Variants in PATJ observed in about 807,000 individuals in gnomAD.
PATJ encodes PATJ crumbs cell polarity complex component.
Under a neutral mutation model 224.9 loss-of-function variants are expected in PATJ, and 190 were observed. The observed-to-expected ratio is 0.84, with a 90% CI of 0.75 to 0.95. The LOEUF (loss-of-function observed/expected upper bound fraction) is 0.95. Among genes scored for constraint, PATJ ranks in the 40% least tolerant of loss-of-function variants. PATJ has a pLI of 0.00. For missense variants in PATJ, 2,121 were observed against 2,270.3 expected, an observed-to-expected ratio of 0.93 and a Z score of 1.34; for synonymous variants, 769 against 820.3, an observed-to-expected ratio of 0.94 and a Z score of 1.07.
In PATJ at chr1:61,822,950, G is replaced by T; in HGVS notation, c.1689G>T (p.Leu563=). Residue 563 remains leucine (L), a synonymous_variant, in exon 15 of 44, where the codon CTG becomes CTT. Coordinates refer to ENST00000642238, the MANE Select transcript of PATJ (RefSeq NM_001350145.3). ...TGCTTTGTGTTTTGCTACAGCTGCT[G>T]CCTATTCACACTCTGAGGCTTGGTG... ...DAELQKYSKL[L]PIHTLRLGVE... 6.2e-7 allele frequency: 1 copy of T among 1,614,070 alleles called. No individual in the cohort carries two copies. Among genetic ancestry groups the T allele is most frequent in the Non-Finnish European group, 8.5e-7 (1 of 1,179,992 alleles).
At chr1:62,156,217 TAAA>T (rs200811806) in intron 43 of PATJ, among the ~76,000 whole-genome samples, 2 of 150,162 alleles carry the variant, frequency 1.3e-5, no homozygotes, top group African/African-American at 4.9e-5. Flanking sequence ...TCTCTAAAAA[TAAA>T]AAAATTTTTT....
intron 18 of PATJ, among the ~76,000 whole-genome samples, chr1:61,860,972 T>C (rs1199471032): frequency 6.6e-6 from 1 of 151,900 alleles, no homozygotes; most frequent in African/African-American, 2.4e-5. Context: ...ACCAGTAAAA[T>C]AGGGCTAATA....
At chr1:61,977,752 C>T (rs936025781) in intron 27 of PATJ, among the ~76,000 whole-genome samples, 1 of 151,644 alleles carries the variant, frequency 6.6e-6, no homozygotes, top group Admixed American at 6.6e-5. Context: ...GTGGTGAACA[C>T]CTGTAGTCCC....
rs1652142761 is a variant in PATJ at position 61,800,008 on chromosome 1, G to C, written c.1403-1615G>C. On this transcript the variant is annotated intron_variant, in intron 11 of 43. Transcript: ENST00000642238. ...CCTATCATCTGTTGATGGACACTTA[G>C]ATTGCTTTCATGGCTTTGCTTTTGC... is the stretch of plus-strand genomic sequence containing the variant. 1.3e-5 allele frequency among the ~76,000 whole-genome samples: 2 copies of C among 152,124 alleles called. 1 individual carries two copies. The highest frequency in any genetic ancestry group is 4.1e-4 in the South Asian group (2 of 4,828).
intron 28 of PATJ, among the ~76,000 whole-genome samples, chr1:62,015,145 C>CA (rs956926283): frequency 2.1e-4 from 32 of 149,974 alleles, no homozygotes; most frequent in African/African-American, 7.1e-4. Flanking sequence ...ACTAAAAATA[C>CA]AAAAAAAAAT....
In PATJ at chr1:61,884,246, C is replaced by T. The variant is rs751944045; in HGVS notation, c.2969C>T (p.Pro990Leu). 7 of 1,601,288 alleles carry T rather than the reference C, an allele frequency of 4.4e-6. No individual in the cohort carries two copies. Among genetic ancestry groups the T allele is most frequent in the South Asian group, 2.3e-5 (2 of 88,592 alleles). ...TGGATTTGCTCTTCAGGCATGATCC[C>T]GAATGATGTCCAAGGTCCTAGCTTG... ...AKTSLDLGMIPNDVQGPSLLI... is the reference protein window; with the variant it reads ...AKTSLDLGMILNDVQGPSLLI... Residue 990 changes from proline to leucine, a missense_variant, in exon 22 of 44, where the codon CCG (proline) becomes CTG (leucine). Transcript: ENST00000642238.
chr1:61,876,462 A>C (rs1667347217), intron 21 of PATJ, among the ~76,000 whole-genome samples: 1 of 152,112 alleles, frequency 6.6e-6, no homozygotes, highest in Non-Finnish European at 1.5e-5. Context: ...GTTTGAGTAA[A>C]TGAATAAATA....
intron 17 of PATJ, among the ~76,000 whole-genome samples, chr1:61,848,165 C>T (rs551976929): frequency 9.9e-5 from 15 of 152,200 alleles, no homozygotes; most frequent in African/African-American, 2.4e-4. Context: ...ATGTATCCAA[C>T]TTTTTCATTT....
intron 27 of PATJ, among the ~76,000 whole-genome samples, chr1:61,956,840 T>C (rs1680508308): frequency 6.6e-6 from 1 of 152,244 alleles, no homozygotes; most frequent in Admixed American, 6.5e-5. Context: ...TTGCAAGTTG[T>C]TTAGTCACGT....
At chr1:62,160,821 C>A in intron 43 of PATJ, 87 bp from the exon 44 acceptor site, 2 of 1,416,408 alleles carry the variant, frequency 1.4e-6, no homozygotes, top group Non-Finnish European at 1.9e-6. Context: ...TTAATATGCA[C>A]ACCAGACAGA....
intron 30 of PATJ, among the ~76,000 whole-genome samples, chr1:62,049,984 C>T (rs1265262493): frequency 1.3e-5 from 2 of 151,884 alleles, no homozygotes; most frequent in Non-Finnish European, 2.9e-5. Flanking sequence ...CGTGTGGTGG[C>T]ATGCACCTGT....
At chr1:62,068,121 C>T (rs974402828) in intron 31 of PATJ, among the ~76,000 whole-genome samples, 5 of 152,196 alleles carry the variant, frequency 3.3e-5, no homozygotes, top group African/African-American at 1.2e-4. Context: ...ACTCAGTTCA[C>T]GTCATTCACC....
rs747232068 is a variant in PATJ, at chr1:61,864,476, A to C, written c.2678A>C (p.His893Pro). ...TCCATGGAGTTGTATCCCTTGTCGC[A>C]CATTCAAGAGGCCACTCCTGTGCCC... Reference protein sequence around the residue: ...SPSMELYPLSHIQEATPVPSV... With the variant: ...SPSMELYPLSPIQEATPVPSV... Residue 893 changes from histidine (H) to proline (P), a missense_variant, in exon 20 of 44, where the codon CAC (histidine) becomes CCC (proline). His to Pro is a moderately conservative substitution (Grantham distance 77). Transcript: ENST00000642238. 7 of 1,614,142 alleles carry C rather than the reference A, an allele frequency of 4.3e-6. No individual in the cohort carries two copies. Among genetic ancestry groups the C allele is most frequent in the Non-Finnish European group, 5.9e-6 (7 of 1,179,998 alleles).
intron 24 of PATJ, among the ~76,000 whole-genome samples, chr1:61,904,904 A>G (rs1357000614): frequency 2.6e-5 from 4 of 152,156 alleles, no homozygotes; most frequent in African/African-American, 9.7e-5. Context: ...CTTGAGGTTC[A>G]TTCAATTTGT....
intron 39 of PATJ, among the ~76,000 whole-genome samples, chr1:62,125,058 T>C (rs915602580): frequency 3.3e-5 from 5 of 151,618 alleles, no homozygotes; most frequent in African/African-American, 1.2e-4. Flanking sequence ...AAACTCCGTC[T>C]CTACAAATAA....
intron 27 of PATJ, among the ~76,000 whole-genome samples, chr1:61,952,719 C>T (rs1679896952): frequency 6.6e-6 from 1 of 152,170 alleles, no homozygotes; most frequent in South Asian, 2.1e-4. Flanking sequence ...CAACACTGTT[C>T]ATGCTGTATT....
intron 31 of PATJ, among the ~76,000 whole-genome samples, chr1:62,062,671 T>A (rs1655761330): frequency 6.6e-6 from 1 of 151,612 alleles, no homozygotes; most frequent in East Asian, 1.9e-4. Flanking sequence ...AATTTTTAAA[T>A]TTTTTGTAGA....
At chr1:62,090,829 A>T (rs1016713039) in intron 33 of PATJ, among the ~76,000 whole-genome samples, 1 of 152,134 alleles carries the variant, frequency 6.6e-6, no homozygotes, top group Non-Finnish European at 1.5e-5. Flanking sequence ...CTCCTCCCTG[A>T]TGTCCTTCAA....
intron 27 of PATJ, among the ~76,000 whole-genome samples, chr1:61,960,330 A>C (rs1681087128): frequency 6.6e-6 from 1 of 152,142 alleles, no homozygotes; most frequent in Non-Finnish European, 1.5e-5. Context: ...CCTTTCCCTC[A>C]TATCTTCCTA....
Sources: gnomAD v4.1 joint callset for allele counts (sites outside exome capture counted in the v4.1 genomes callset) on GRCh38, gnomAD v4.1.1 for gene constraint, MANE v1.5 for transcripts, NCBI Gene and HGNC (gene_info 2026-07-23, HGNC 2026-07-21) for gene names.